Variants in ZNF713 observed in about 807,000 individuals in gnomAD.
ZNF713 encodes the protein zinc finger protein 713.
A neutral mutation model predicts 28.7 loss-of-function variants in ZNF713; 21 were observed. The ratio of observed to expected loss-of-function variants is 0.73; its 90% CI spans 0.52 to 1.05. The LOEUF (loss-of-function observed/expected upper bound fraction) is 1.05. Among genes scored for constraint, ZNF713 ranks in the 50% least tolerant of loss-of-function variants. The pLI is 0.00. For synonymous variants in ZNF713, 167 were observed against 178.0 expected, an observed-to-expected ratio of 0.94 and a Z score of 0.49; for missense variants, 458 against 532.4, an observed-to-expected ratio of 0.86 and a Z score of 1.37.
rs548241483 is a variant in ZNF713, at chr7:55,905,854, A to G, written c.-582-399A>G. 3.9e-5 allele frequency among the ~76,000 whole-genome samples: 6 copies of G among 152,194 alleles called. No individual in the cohort carries two copies. The East Asian group carries it at 9.7e-4, about 25-fold the overall frequency. On this transcript the variant is annotated intron_variant, in intron 1 of 6. Transcript: ENST00000429591. ...CGCGGTGGCTCATGCCTGTAATCCC[A>G]GCACTTTGGGAGACCGAGACGGGCG...
chr7:55,931,330 G>A (rs1786204962), intron 6 of ZNF713, among the ~76,000 whole-genome samples: 1 of 151,540 alleles, frequency 6.6e-6, no homozygotes, highest in African/African-American at 2.4e-5. Context: ...AATATTTATC[G>A]TTATCACTGT....
rs1265273758 is a variant in ZNF713, at chr7:55,904,141, A to AGTCACCC, written c.-582-2109_-582-2103dup. On this transcript the variant is annotated intron_variant, in intron 1 of 6. Coordinates refer to ENST00000429591, the MANE Select transcript of ZNF713 (RefSeq NM_182633.3). ...AGTAAAGCAAGAGTCACCAGTCACCAGTCACCCGTATCAGATACTGTCTTG... is the reference window on the plus strand; with the variant it reads ...AGTAAAGCAAGAGTCACCAGTCACCAGTCACCCGTCACCCGTATCAGATACTGTCTTG... Among the ~76,000 whole-genome samples, 4 of 86,866 alleles carry AGTCACCC rather than the reference A, an allele frequency of 4.6e-5. 1 individual carries two copies. Among genetic ancestry groups the AGTCACCC allele is most frequent in the African/African-American group, 1.7e-4 (4 of 24,234 alleles). The allele number at this position is 86,866 out of a possible 152,430, so 57.0% of individuals were successfully genotyped here.
rs112095662 is a variant in ZNF713, at chr7:55,935,889, C to T, written c.308-3093C>T. Among the ~76,000 whole-genome samples, 80 of 151,584 alleles carry T rather than the reference C, an allele frequency of 5.3e-4. 1 individual carries two copies. The highest frequency in any genetic ancestry group is 3.4e-3 in the Middle Eastern group (1 of 292). ...AGAATGGCGTGAACCTGGGAGGCAG[C>T]GCTTGCAATGAGCCGAGATCACGCC... On this transcript the variant is annotated intron_variant, in intron 6 of 6. Transcript: ENST00000429591.
intron 4 of ZNF713, among the ~76,000 whole-genome samples, chr7:55,918,979 G>C (rs1246738953): frequency 6.6e-6 from 1 of 151,442 alleles, no homozygotes; most frequent in African/African-American, 2.4e-5. Flanking sequence ...GGGTGACAGA[G>C]AGAAATTCTG....
chr7:55,929,522 T>G (rs1786168496), intron 6 of ZNF713, among the ~76,000 whole-genome samples: 1 of 152,138 alleles, frequency 6.6e-6, no homozygotes, highest in East Asian at 1.9e-4. Context: ...CAGAATTGGA[T>G]CTATAGCTTA....
At chr7:55,901,656 G>T (rs1211868823) in intron 1 of ZNF713, among the ~76,000 whole-genome samples, 4 of 152,212 alleles carry the variant, frequency 2.6e-5, no homozygotes, top group Non-Finnish European at 5.9e-5. Context: ...GCTGGAGGTT[G>T]CCATGCCCAG....
intron 6 of ZNF713, among the ~76,000 whole-genome samples, chr7:55,932,280 G>C (rs1786225486): frequency 6.6e-6 from 1 of 151,164 alleles, no homozygotes; most frequent in African/African-American, 2.4e-5. Flanking sequence ...TGTAATTCCA[G>C]CACTTTGGGA....
intron 6 of ZNF713, among the ~76,000 whole-genome samples, chr7:55,929,546 G>C (rs1195885834): frequency 6.6e-6 from 1 of 152,110 alleles, no homozygotes; most frequent in East Asian, 1.9e-4. Flanking sequence ...CTTGAGCCAA[G>C]ATAAACTCCA....
chr7:55,935,045 C>A (rs1228976955), intron 6 of ZNF713, among the ~76,000 whole-genome samples: 3 of 151,970 alleles, frequency 2.0e-5, no homozygotes, highest in Non-Finnish European at 2.9e-5. Flanking sequence ...TGCACCACCA[C>A]GCCCAGCTAA....
chr7:55,889,583 G>A (rs1016055389), intron 1 of ZNF713, among the ~76,000 whole-genome samples: 3 of 152,192 alleles, frequency 2.0e-5, no homozygotes, highest in Admixed American at 6.5e-5. Context: ...GAAAACTTGC[G>A]GCTCCCTGCC....
intron 1 of ZNF713, among the ~76,000 whole-genome samples, chr7:55,902,283 A>G (rs181699144): frequency 3.8e-4 from 58 of 152,352 alleles, no homozygotes; most frequent in African/African-American, 1.4e-3. Context: ...ATTATATTGT[A>G]TCTTTGAGAT....
intron 1 of ZNF713, among the ~76,000 whole-genome samples, chr7:55,903,842 G>A (rs187763188): frequency 6.6e-6 from 1 of 152,186 alleles, no homozygotes; most frequent in Admixed American, 6.5e-5. Context: ...TGTGAATGAA[G>A]CCTCGAGCAA....
chr7:55,905,966 G>A (rs559217457), intron 1 of ZNF713, among the ~76,000 whole-genome samples: 2 of 152,040 alleles, frequency 1.3e-5, no homozygotes, highest in South Asian at 2.1e-4. Context: ...GCTAGGTGTG[G>A]TGGTACACGC....
rs1035075221 is a variant in ZNF713, at chr7:55,923,173, G to A, written c.99G>A (p.Thr33=). ...GCTTGATGTTTCAGGAATCACTGAC[G>A]TTTCAGGATGTGGCCGTGGACTTCA... The part of the protein sequence containing the change: ...SQMVRSQESL[T]FQDVAVDFTR... The change falls in exon 5 of 7, where the codon ACG becomes ACA. Residue 33 remains threonine (T), a synonymous_variant. Transcript: ENST00000429591. The A allele has an allele frequency of 8.7e-6, 14 of 1,611,852 alleles. No individual in the cohort carries two copies. Among genetic ancestry groups the A allele is most frequent in the Middle Eastern group, 1.7e-4 (1 of 6,060 alleles).
At chr7:55,922,219 G>A (rs941190542) in intron 4 of ZNF713, among the ~76,000 whole-genome samples, 1 of 150,756 alleles carries the variant, frequency 6.6e-6, no homozygotes, top group African/African-American at 2.4e-5. Flanking sequence ...GAGCCACCAC[G>A]CCTGGCCTTA....
rs932959917 is a variant in ZNF713 at position 55,940,404 on chromosome 7, G to A, written c.*398G>A. On this transcript the variant is annotated 3_prime_UTR_variant, in exon 7 of 7. Coordinates refer to ENST00000429591, the MANE Select transcript of ZNF713 (RefSeq NM_182633.3). The stretch of plus-strand genomic sequence containing the variant: ...CTCCCAAAGTGCTGGGATTACAGGC[G>A]TGGGCCACTGCGCCTGGCCATAAAC... 8.1e-6 allele frequency: 8 copies of A among 986,342 alleles called. No individual in the cohort carries two copies. The highest frequency in any genetic ancestry group is 9.6e-6 in the Non-Finnish European group (8 of 829,156). 61.1% of individuals were successfully genotyped at this position (986,342 alleles called of 1,614,324 possible). A position where few individuals can be genotyped will look rare whatever the true frequency, so the allele number is the denominator to read the frequency against.
Position 55,939,648 on chromosome 7 carries a change from A to T in ZNF713, c.974A>T (p.Gln325Leu). 1.2e-6 allele frequency: 2 copies of T among 1,614,228 alleles called. No individual in the cohort carries two copies. Among genetic ancestry groups the T allele is most frequent in the Non-Finnish European group, 1.7e-6 (2 of 1,180,042 alleles). The stretch of plus-strand genomic sequence containing the variant: ...AATGGATGTGGGAAAGCCTTCCGTC[A>T]GCATTCATCCTTTACTCAACATCTG... ...ICNGCGKAFR[Q>L]HSSFTQHLRI... Residue 325 changes from glutamine to leucine, a missense_variant, in exon 7 of 7, where the codon CAG becomes CTG. Gln to Leu is a moderately radical substitution (Grantham distance 113). Coordinates refer to ENST00000429591, the MANE Select transcript of ZNF713 (RefSeq NM_182633.3).
chr7:55,939,658 C>G lies in ZNF713; in HGVS notation c.984C>G (p.Ser328=). 6.2e-7 allele frequency: 1 copy of G among 1,614,178 alleles called. No homozygotes were observed. Among genetic ancestry groups the G allele is most frequent in the South Asian group, 1.1e-5 (1 of 91,080 alleles). The change falls in exon 7 of 7, where the codon TCC becomes TCG. Residue 328 remains serine (S), a synonymous_variant. Coordinates refer to ENST00000429591, the MANE Select transcript of ZNF713 (RefSeq NM_182633.3). Reference sequence around the variant, plus strand: ...GGAAAGCCTTCCGTCAGCATTCATCCTTTACTCAACATCTGAGGATTCATA... The same window carrying G: ...GGAAAGCCTTCCGTCAGCATTCATCGTTTACTCAACATCTGAGGATTCATA... The part of the protein sequence containing the change: ...GCGKAFRQHS[S]FTQHLRIHTG...
At chr7:55,920,040 G>C (rs545572076) in intron 4 of ZNF713, among the ~76,000 whole-genome samples, 1 of 152,036 alleles carries the variant, frequency 6.6e-6, no homozygotes, top group Admixed American at 6.6e-5. Context: ...CCTCTCCCCC[G>C]GCTTCCCTAT....
Sources: gnomAD v4.1 joint callset for allele counts (sites outside exome capture counted in the v4.1 genomes callset) on GRCh38, gnomAD v4.1.1 for gene constraint, MANE v1.5 for transcripts, NCBI Gene and HGNC (gene_info 2026-07-23, HGNC 2026-07-21) for gene names.